SPTY2D1: variants seen among roughly 807,000 people sequenced by gnomAD.
The protein encoded by SPTY2D1 is SPT2 chromatin protein domain containing 1, also known as protein SPT2 homolog.
SPTY2D1 carries 21 observed loss-of-function variants against 64.0 expected under a neutral mutation model. The ratio of observed to expected loss-of-function variants is 0.33; its 90% CI spans 0.23 to 0.47. The LOEUF is 0.47. Ranked by LOEUF, SPTY2D1 falls within the 20% of genes least tolerant of loss-of-function variation. The pLI, the probability that SPTY2D1 is intolerant of heterozygous loss-of-function variation, is 1.00. For synonymous variants in SPTY2D1, 287 were observed against 286.8 expected (o/e 1.00, Z -0.01); for missense variants, 724 against 837.2 (o/e 0.86, Z 1.67).
chr11:18,629,874 T>TA (rs1180434357), intron 1 of SPTY2D1, among the ~76,000 whole-genome samples: 1 of 152,172 alleles, frequency 6.6e-6, no homozygotes, highest in Non-Finnish European at 1.5e-5. Flanking sequence ...TAGGTAGCTT[T>TA]AAAAAATAAA....
At chr11:18,622,086 C>CAAAAAAAAAAAAAAA (rs747593791) in intron 1 of SPTY2D1, among the ~76,000 whole-genome samples, 4 of 11,830 alleles carry the variant, frequency 3.4e-4, no homozygotes, top group Admixed American at 1.7e-3. Context: ...GACCCTATCT[C>CAAAAAAAAAAAAAAA]AAAAAAAAAA....
chr11:18,622,092 A>AAAAAAAAAAAAC lies in SPTY2D1; in HGVS notation c.61-5104_61-5103insGTTTTTTTTTTT, dbSNP rs1854416906. On this transcript the variant is annotated intron_variant, in intron 1 of 5. Transcript: ENST00000336349. ...ACAGAGTAAGACCCTATCTCAAAAA[A>AAAAAAAAAAAAC]AAAAAAAAAAAACCAAAACCAAAAC... is the stretch of plus-strand genomic sequence containing the variant. Among the ~76,000 whole-genome samples the AAAAAAAAAAAAC allele has an allele frequency of 7.5e-5, 11 of 146,128 alleles. 1 individual carries two copies. Among genetic ancestry groups the AAAAAAAAAAAAC allele is most frequent in the Non-Finnish European group, 1.5e-5 (1 of 66,558 alleles).
chr11:18,626,498 G>A (rs1854501283), intron 1 of SPTY2D1, among the ~76,000 whole-genome samples: 1 of 151,932 alleles, frequency 6.6e-6, no homozygotes, highest in Non-Finnish European at 1.5e-5. Context: ...TTCAAGCTGT[G>A]TAGGTAACAA....
At chr11:18,610,667 T>TAAAAAAA in intron 5 of SPTY2D1, among the ~76,000 whole-genome samples, 1 of 96,706 alleles carries the variant, frequency 1.0e-5, no homozygotes, top group Non-Finnish European at 2.1e-5. Flanking sequence ...CCCTGTCTCT[T>TAAAAAAA]AAAAAAAAAA....
At position 18,609,845 on chromosome 11, in the gene SPTY2D1, AAAAT is replaced by A. The variant is rs748924928; in HGVS notation, c.*12_*15del. Reference sequence around the variant, plus strand: ...AGCAGAGCAGCTCTAGAATTTCACAAAAATAAAAGCAGCAGCTAACGCCTCTTCA... The same window carrying A: ...AGCAGAGCAGCTCTAGAATTTCACAAAAAAGCAGCAGCTAACGCCTCTTCA... On this transcript the variant is annotated 3_prime_UTR_variant, in exon 6 of 6. Transcript: ENST00000336349. The A allele has an allele frequency of 1.9e-6, 3 of 1,613,130 alleles. No individual in the cohort carries two copies. Among genetic ancestry groups the A allele is most frequent in the Non-Finnish European group, 2.5e-6 (3 of 1,179,540 alleles).
In SPTY2D1 at chr11:18,608,262, A is replaced by T. The variant is rs1283236876; in HGVS notation, c.*1599T>A. 5 of 152,662 alleles carry T rather than the reference A, an allele frequency of 3.3e-5. No homozygotes were observed. The highest frequency in any genetic ancestry group is 7.3e-5 in the Non-Finnish European group (5 of 68,038). 9.5% of individuals were successfully genotyped at this position (152,662 alleles called of 1,614,324 possible). A position where few individuals can be genotyped will look rare whatever the true frequency, so the allele number is the denominator to read the frequency against. On this transcript the variant is annotated 3_prime_UTR_variant, in exon 6 of 6. Transcript: ENST00000336349. ...AAAAATTAAATCCTTGCACTTTCAA[A>T]GTTTGAAACTCAATTCAAAATGAGT...
chr11:18,624,100 A>AAAGGGGGT (rs1259002969), intron 1 of SPTY2D1, among the ~76,000 whole-genome samples: 1 of 152,172 alleles, frequency 6.6e-6, no homozygotes, highest in Non-Finnish European at 1.5e-5. Flanking sequence ...AGACCTTTCA[A>AAAGGGGGT]AAGGGGGTTG....
intron 1 of SPTY2D1, 150 bp downstream of exon 1, chr11:18,634,048 A>C: frequency 1.2e-6 from 1 of 835,158 alleles, no homozygotes; most frequent in Non-Finnish European, 1.9e-6. Context: ...CCGAGTTCCC[A>C]AGAGTATAAA....
intron 3 of SPTY2D1, among the ~76,000 whole-genome samples, chr11:18,613,083 AAATAAATAC>A (rs1264999467): frequency 4.6e-5 from 7 of 152,206 alleles, no homozygotes; most frequent in African/African-American, 1.7e-4. Flanking sequence ...AAATTTCTAA[AAATAAATAC>A]AATTTACAAA....
intron 5 of SPTY2D1, 162 bp from the exon 6 acceptor site, chr11:18,610,116 T>C (rs1854175794): frequency 5.7e-6 from 3 of 523,764 alleles, no homozygotes; most frequent in Non-Finnish European, 9.8e-6. Flanking sequence ...GATATTTTTT[T>C]ACCAGGGGCC....
At position 18,610,667 on chromosome 11, in the gene SPTY2D1, T is replaced by TAA. The variant is rs58363516; in HGVS notation, c.1965-715_1965-714dup. On this transcript the variant is annotated intron_variant, in intron 5 of 5. Coordinates refer to ENST00000336349, the MANE Select transcript of SPTY2D1 (RefSeq NM_194285.3). ...GGCGACAGAGCAAGACCCTGTCTCT[T>TAA]AAAAAAAAAAAAAAAAAAAAACAAC... 7.4e-3 allele frequency among the ~76,000 whole-genome samples: 717 copies of TAA among 96,634 alleles called. 19 individuals carry two copies. The highest frequency in any genetic ancestry group is 0.04 in the Admixed American group (338 of 8,452). The allele number at this position is 96,634 out of a possible 152,430, so 63.4% of individuals were successfully genotyped here.
At chr11:18,630,117 C>G (rs1418466516) in intron 1 of SPTY2D1, among the ~76,000 whole-genome samples, 1 of 150,178 alleles carries the variant, frequency 6.7e-6, no homozygotes, top group Non-Finnish European at 1.5e-5. Context: ...TACAGTGAGC[C>G]AAGACCATGC....
At chr11:18,622,103 A>AAAAAAAAAAAAAAAAAAAAAAAAAAAAC (rs1565161248) in intron 1 of SPTY2D1, among the ~76,000 whole-genome samples, 1 of 147,958 alleles carries the variant, frequency 6.8e-6, no homozygotes, top group African/African-American at 2.5e-5. Context: ...AAAAAAAAAA[A>AAAAAAAAAAAAAAAAAAAAAAAAAAAAC]ACCAAAACCA....
intron 1 of SPTY2D1, among the ~76,000 whole-genome samples, chr11:18,629,750 T>A (rs1252900942): frequency 6.6e-6 from 1 of 152,204 alleles, no homozygotes; most frequent in Non-Finnish European, 1.5e-5. Context: ...GTGTGCCTAC[T>A]ATTTCTGGGC....
chr11:18,614,638 T>C lies in SPTY2D1; in HGVS notation c.1636A>G (p.Asn546Asp). 1 of 1,614,268 alleles carries C rather than the reference T, an allele frequency of 6.2e-7. No individual in the cohort carries two copies. The highest frequency in any genetic ancestry group is 8.5e-7 in the Non-Finnish European group (1 of 1,180,048). ...TVVSETISSK[N>D]IISRSSNGQM... ...CCATTGCTGGACCGGCTAATGATATTCTTGGAAGAAATTGTTTCGGAGACA... is the reference window on the plus strand; with the variant it reads ...CCATTGCTGGACCGGCTAATGATATCCTTGGAAGAAATTGTTTCGGAGACA... The change falls in exon 3 of 6, where the codon AAT becomes GAT. Residue 546 changes from asparagine to aspartate, a missense_variant. Physicochemically the swap from Asn to Asp is conservative, Grantham distance 23. Around this residue, in one of 3 missense-constraint regions of SPTY2D1, gnomAD observed 426 missense variants for 431.8 expected, o/e 0.99. Coordinates refer to ENST00000336349, the MANE Select transcript of SPTY2D1 (RefSeq NM_194285.3).
At chr11:18,625,640 G>A (rs567835241) in intron 1 of SPTY2D1, among the ~76,000 whole-genome samples, 1 of 151,502 alleles carries the variant, frequency 6.6e-6, no homozygotes, top group East Asian at 1.9e-4. Flanking sequence ...GGCTCACTGT[G>A]GCCTCAAACT....
intron 1 of SPTY2D1, among the ~76,000 whole-genome samples, chr11:18,624,676 C>G (rs546570520): frequency 2.4e-4 from 36 of 152,178 alleles, no homozygotes; most frequent in Non-Finnish European, 4.4e-4. Flanking sequence ...CATGTGTACA[C>G]CGACTACTGT....
At position 18,634,210 on chromosome 11, in the gene SPTY2D1, G is replaced by A. The variant is rs944828976; in HGVS notation, c.48C>T (p.Val16=). ...AGCTGCTACTTACCGGCACATTGTT[G>A]ACACCTTGTCCCTTGGAAGCTATCA... ...ILMIASKGQG[V]NNVPKRYSLA... is the part of the protein sequence containing the mutation. Residue 16 remains valine (V), a synonymous_variant, in exon 1 of 6, where the codon GTC becomes GTT. Transcript: ENST00000336349. The A allele has an allele frequency of 3.7e-6, 6 of 1,614,192 alleles. No homozygotes were observed. Among genetic ancestry groups the A allele is most frequent in the Non-Finnish European group, 5.1e-6 (6 of 1,180,036 alleles).
At chr11:18,614,491 C>T in intron 3 of SPTY2D1, 72 bp downstream of exon 3, 1 of 1,448,074 alleles carries the variant, frequency 6.9e-7, no homozygotes, top group Non-Finnish European at 9.4e-7. Flanking sequence ...CAAAGGGTCC[C>T]TGATAATATA....
Sources: allele counts gnomAD v4.1 joint callset (sites outside exome capture counted in the v4.1 genomes callset), GRCh38; gene constraint gnomAD v4.1.1; regional missense constraint gnomAD v4.1.1; transcripts MANE v1.5; gene names NCBI Gene and HGNC (gene_info 2026-07-23, HGNC 2026-07-21).